The following MAMDC4 variants were observed in gnomAD, a reference collection of about 807,000 sequenced individuals.
MAMDC4 encodes the protein MAM domain containing 4, also known as apical endosomal glycoprotein.
A neutral mutation model predicts 153.3 loss-of-function variants in MAMDC4; 168 were observed. The observed-to-expected ratio is 1.10, with a 90% CI of 0.97 to 1.25. The LOEUF is 1.25. Ranked by LOEUF, MAMDC4 falls within the 50% of genes most tolerant of loss-of-function variation. The pLI is 0.00. For missense variants in MAMDC4, 1,701 were observed against 1,542.8 expected (o/e 1.10, Z -1.72); for synonymous variants, 744 against 651.5 (o/e 1.14, Z -2.16).
Position 136,855,512 on chromosome 9 carries a change from A to G in MAMDC4, c.1364A>G (p.Asp455Gly). 6.3e-7 allele frequency: 1 copy of G among 1,595,166 alleles called. No individual in the cohort carries two copies. The highest frequency in any genetic ancestry group is 2.3e-5 in the East Asian group (1 of 44,034). The part of the protein sequence containing the change: ...QPLPPSSRLQ[D>G]SCKQGHLACG... ...CTGCCGCCCAGCTCGCGGCTCCAGG[A>G]TTCCTGCAAGCAGGGGCATCTTGCC... Residue 455 changes from aspartate to glycine, a missense_variant, in exon 12 of 27, where the codon GAT (aspartate) becomes GGT (glycine). Coordinates refer to ENST00000317446, the MANE Select transcript of MAMDC4 (RefSeq NM_206920.3).
chr9:136,854,398 G>A, intron 7 of MAMDC4, 62 bp downstream of exon 7: 1 of 1,495,880 alleles, frequency 6.7e-7, no homozygotes, highest in Non-Finnish European at 8.9e-7. Context: ...TGGGGGCCCT[G>A]GCACTCATCC....
rs767820715 is a variant in MAMDC4 at position 136,853,206 on chromosome 9, T to C, written c.151T>C (p.Cys51Arg). 4.5e-5 allele frequency: 72 copies of C among 1,612,626 alleles called. No homozygotes were observed. The highest frequency in any genetic ancestry group is 5.7e-5 in the Non-Finnish European group (67 of 1,179,926). The change falls in exon 2 of 27, where the codon TGT (cysteine) becomes CGT (arginine). Residue 51 changes from cysteine (C) to arginine (R), a missense_variant. By Grantham distance (180) the Cys-to-Arg change is radical. Transcript: ENST00000317446. ...CAGGGACTGCTCAGATGAGGCCCAG[T>C]GTGGTGAGCCAAGACCAGATGGGCG... The part of the protein sequence containing the change: ...DCRDCSDEAQ[C>R]GYHGASPTLG...
At position 136,856,908 on chromosome 9, in the gene MAMDC4, C is replaced by T; in HGVS notation, c.1839C>T (p.Gly613=). ...AGCACAGCCCCATGCCCCCTGCAGG[C>T]CACTTTGTGCTCCTGGACCCCACAG... ...GPDHDHTTGQ[G]HFVLLDPTDP... is the part of the protein sequence containing the mutation. Residue 613 remains glycine, a splice_region_variant and synonymous_variant, in exon 16 of 27, where the codon GGC becomes GGT. Transcript: ENST00000317446. The T allele has an allele frequency of 2.5e-6, 4 of 1,609,122 alleles. No individual in the cohort carries two copies. The highest frequency in any genetic ancestry group is 3.4e-6 in the Non-Finnish European group (4 of 1,177,208).
At position 136,854,961 on chromosome 9, in the gene MAMDC4, G is replaced by A. The variant is rs752827818; in HGVS notation, c.1048G>A (p.Gly350Arg). 5 of 1,609,676 alleles carry A rather than the reference G, an allele frequency of 3.1e-6. No individual in the cohort carries two copies. The highest frequency in any genetic ancestry group is 4.2e-6 in the Non-Finnish European group (5 of 1,178,480). The part of the protein sequence containing the change: ...CSLVFYQYLS[G>R]SEAGCLQLFL... Reference sequence around the variant, plus strand: ...GCTGGTCTTCTATCAGTACCTGAGTGGGTCTGAGGCTGGCTGCCTCCAGCT... The same window carrying A: ...GCTGGTCTTCTATCAGTACCTGAGTAGGTCTGAGGCTGGCTGCCTCCAGCT... Residue 350 changes from glycine to arginine, a missense_variant, in exon 10 of 27, where the codon GGG becomes AGG. By Grantham distance (125) the Gly-to-Arg change is moderately radical (BLOSUM62 -2). Transcript: ENST00000317446.
chr9:136,854,614 G>A lies in MAMDC4; in HGVS notation c.872G>A (p.Arg291His), dbSNP rs757754981. 5.0e-6 allele frequency: 8 copies of A among 1,607,878 alleles called. No individual in the cohort carries two copies. The highest frequency in any genetic ancestry group is 4.4e-5 in the South Asian group (4 of 90,380). Residue 291 changes from arginine to histidine, a missense_variant, in exon 8 of 27, where the codon CGC (arginine) becomes CAC (histidine). Arg to His is a conservative substitution (Grantham distance 29). Coordinates refer to ENST00000317446, the MANE Select transcript of MAMDC4 (RefSeq NM_206920.3). The part of the protein sequence containing the change: ...NRSEGWSRNH[R>H]AGGPERPSWP... The stretch of plus-strand genomic sequence containing the variant: ...TCGGAAGGCTGGTCCCGGAACCACC[G>A]CGCTGGTGGTCCTGAGCGCCCCTCC...
intron 14 of MAMDC4, chr9:136,856,397 CA>C: frequency 1.2e-6 from 1 of 807,300 alleles, no homozygotes; most frequent in Non-Finnish European, 2.2e-6. Flanking sequence ...GAGGGCAGCC[CA>C]GAGTGGGAGC....
chr9:136,855,930 T>A, intron 13 of MAMDC4, 82 bp downstream of exon 13: 1 of 1,535,976 alleles, frequency 6.5e-7, no homozygotes, highest in Non-Finnish European at 8.8e-7. Flanking sequence ...GCCTCTGCAC[T>A]ACAGAGGGTC....
intron 14 of MAMDC4, 139 bp from the exon 15 acceptor site, chr9:136,856,571 C>G (rs771874099): frequency 1.1e-5 from 9 of 851,994 alleles, no homozygotes; most frequent in South Asian, 4.0e-5. Context: ...CCGAGAGAGA[C>G]AGAGGTTCCT....
intron 19 of MAMDC4, 21 bp from the exon 20 acceptor site, chr9:136,857,958 C>A: frequency 1.3e-6 from 2 of 1,491,296 alleles, no homozygotes; most frequent in Non-Finnish European, 1.8e-6. Context: ...CACTGCTGAC[C>A]TGGGCCGCCC....
At chr9:136,857,929 C>A in intron 19 of MAMDC4, 50 bp from the exon 20 acceptor site, 1 of 1,470,206 alleles carries the variant, frequency 6.8e-7, no homozygotes, top group Non-Finnish European at 9.0e-7. Context: ...CAGACCAGGG[C>A]CTGCAGGTGC....
In MAMDC4 at chr9:136,855,014, C is replaced by T. The variant is rs760512198; in HGVS notation, c.1101C>T (p.Ala367=). ...QLFLQTLGPG[A]PRAPVLLRRR... ...TCCTGCAGACTCTGGGGCCCGGCGC[C>T]CCCCGGGCCCCCGTCCTGCTGCGGA... The change falls in exon 10 of 27, where the codon GCC becomes GCT. Residue 367 remains alanine (A), a synonymous_variant. Transcript: ENST00000317446. The T allele has an allele frequency of 3.3e-5, 53 of 1,598,334 alleles. No individual in the cohort carries two copies. The African/African-American group carries it at 6.1e-4, about 18-fold the overall frequency.
chr9:136,853,785 G>C lies in MAMDC4; in HGVS notation c.463G>C (p.Glu155Gln). Residue 155 changes from glutamate (E) to glutamine (Q), a missense_variant, in exon 5 of 27, where the codon GAA becomes CAA. Physicochemically the swap from Glu to Gln is conservative, Grantham distance 29 (BLOSUM62 2). Transcript: ENST00000317446. ...WYHAASGDVA[E>Q]LRVELTHGAE... ...GACCCCTGACATTGCAGATGTGGCT[G>C]AACTGCGGGTGGAGCTGACCCATGG... 2.5e-6 allele frequency: 4 copies of C among 1,609,992 alleles called. No individual in the cohort carries two copies. The highest frequency in any genetic ancestry group is 3.4e-6 in the Non-Finnish European group (4 of 1,178,406).
rs767669094 is a variant in MAMDC4, at chr9:136,854,258, G to A, written c.718G>A (p.Val240Ile). 6.2e-7 allele frequency: 1 copy of A among 1,611,516 alleles called. No individual in the cohort carries two copies. Among genetic ancestry groups the A allele is most frequent in the South Asian group, 1.1e-5 (1 of 90,902 alleles). Residue 240 changes from valine (V) to isoleucine (I), a missense_variant, in exon 7 of 27, where the codon GTC becomes ATC. Physicochemically the swap from Val to Ile is conservative, Grantham distance 29. Coordinates refer to ENST00000317446, the MANE Select transcript of MAMDC4 (RefSeq NM_206920.3). The part of the protein sequence containing the change: ...PPGHHHCQNK[V>I]CVEPQQLCDG... ...GGGACACCACCACTGCCAGAACAAG[G>A]TCTGCGTGGAGCCCCAGCAGCTGTG... is the stretch of plus-strand genomic sequence containing the variant.
At chr9:136,859,510 G>C (rs1444901090) in intron 25 of MAMDC4, 193 bp downstream of exon 25, 1 of 630,460 alleles carries the variant, frequency 1.6e-6, no homozygotes, top group Non-Finnish European at 2.7e-6. Context: ...CCGCTGCCTG[G>C]GCTGGGCTGT....
At chr9:136,859,401 G>C in intron 25 of MAMDC4, 84 bp downstream of exon 25, 1 of 1,241,796 alleles carries the variant, frequency 8.1e-7, no homozygotes, top group African/African-American at 1.5e-5. Flanking sequence ...ACCAGTGTGT[G>C]GTCCCAGGAG....
Position 136,854,567 on chromosome 9 carries a change from A to G in MAMDC4, c.825A>G (p.Thr275=). ...GCCACATAGCCACCGACTTTGAGAC[A>G]GGCCTGGGCCCATGGAACCGCTCGG... ...CGRHIATDFE[T]GLGPWNRSEG... is the part of the protein sequence containing the mutation. Residue 275 remains threonine (T), a synonymous_variant, in exon 8 of 27, where the codon ACA becomes ACG. Transcript: ENST00000317446. 2 of 1,607,196 alleles carry G rather than the reference A, an allele frequency of 1.2e-6. No individual in the cohort carries two copies. Among genetic ancestry groups the G allele is most frequent in the Non-Finnish European group, 1.7e-6 (2 of 1,177,784 alleles).
rs753976306 is a variant in MAMDC4 at position 136,858,512 on chromosome 9, G to C, written c.2787G>C (p.Gln929His). 65 of 1,599,728 alleles carry C rather than the reference G, an allele frequency of 4.1e-5. No individual in the cohort carries two copies. Among genetic ancestry groups the C allele is most frequent in the Non-Finnish European group, 5.5e-5 (65 of 1,174,378 alleles). ...GGGATPSRYP[Q>H]PPVDHTLGTE... is the part of the protein sequence containing the mutation. ...GAGCCACCCCCTCTCGTTACCCCCA[G>C]CCCCCTGTGGACCACACCCTGGGCA... The change falls in exon 22 of 27, where the codon CAG becomes CAC. Residue 929 changes from glutamine to histidine, a missense_variant. By Grantham distance (24) the Gln-to-His change is conservative. Coordinates refer to ENST00000317446, the MANE Select transcript of MAMDC4 (RefSeq NM_206920.3).
intron 1 of MAMDC4, 97 bp downstream of exon 1, chr9:136,852,559 G>A (rs1379258060): frequency 2.1e-6 from 3 of 1,445,676 alleles, no homozygotes; most frequent in African/African-American, 1.4e-5. Flanking sequence ...GCTGATGCCT[G>A]AGCCCCAAAG....
At position 136,854,677 on chromosome 9, in the gene MAMDC4, G is replaced by GT. The variant is rs745544901; in HGVS notation, c.934+2dup. 3.1e-6 allele frequency: 5 copies of GT among 1,611,050 alleles called. No homozygotes were observed. Among genetic ancestry groups the GT allele is most frequent in the Non-Finnish European group, 4.2e-6 (5 of 1,179,246 alleles). On this transcript the variant is annotated splice_donor_variant, in intron 8 of 26. Transcript: ENST00000317446. LOFTEE classifies it high-confidence loss of function. ...GACCACAGCCGGAACAGTGCACAGG[G>GT]TGAGGCCCACAGAGGACCCGGCCCA...
Sources: gnomAD v4.1 joint callset for allele counts on GRCh38, gnomAD v4.1.1 for gene constraint, MANE v1.5 for transcripts, NCBI Gene and HGNC (gene_info 2026-07-23, HGNC 2026-07-21) for gene names.